Variants in PPTC7 observed in about 807,000 individuals in gnomAD.
PPTC7 encodes the protein protein phosphatase targeting COQ7, also known as protein phosphatase PTC7 homolog.
PPTC7 carries 6 observed loss-of-function variants against 30.8 expected under a neutral mutation model. The ratio of observed to expected loss-of-function variants is 0.19; its 90% CI spans 0.11 to 0.38. PPTC7 has a LOEUF of 0.38. Among genes scored for constraint, PPTC7 ranks in the 10% least tolerant of loss-of-function variants. The pLI, the probability that PPTC7 is intolerant of heterozygous loss-of-function variation, is 1.00. For missense variants in PPTC7, 218 were observed against 404.8 expected, an observed-to-expected ratio of 0.54 and a Z score of 3.96; for synonymous variants, 163 against 168.1, an observed-to-expected ratio of 0.97 and a Z score of 0.23.
intron 1 of PPTC7, among the ~76,000 whole-genome samples, chr12:110,581,555 C>G (rs2064637522): frequency 1.3e-5 from 2 of 152,182 alleles, no homozygotes; most frequent in South Asian, 4.1e-4. Flanking sequence ...TCTAAGTCTC[C>G]CTCTCATGTT....
chr12:110,577,423 C>T (rs374320748), intron 1 of PPTC7, among the ~76,000 whole-genome samples: 3 of 152,112 alleles, frequency 2.0e-5, no homozygotes, highest in African/African-American at 7.2e-5. Context: ...TGGGTGCACA[C>T]ACACACTCTG....
rs561246311 is a variant in PPTC7 at position 110,563,679 on chromosome 12, G to T, written c.224-11711C>A. Reference sequence around the variant, plus strand: ...AAACTCAAACAACAAAATCAAAGCTGTAGTAAGCGGTTCATTTTGTGTTTG... The same window carrying T: ...AAACTCAAACAACAAAATCAAAGCTTTAGTAAGCGGTTCATTTTGTGTTTG... On this transcript the variant is annotated intron_variant, in intron 1 of 5. Transcript: ENST00000354300. 3.8e-4 allele frequency among the ~76,000 whole-genome samples: 58 copies of T among 151,980 alleles called. No individual in the cohort carries two copies. The South Asian group carries it at 0.011, about 30-fold the overall frequency.
In PPTC7 at chr12:110,536,787, G is replaced by T; in HGVS notation, c.*250C>A. 2.1e-6 allele frequency: 1 copy of T among 469,106 alleles called. No individual in the cohort carries two copies. The highest frequency in any genetic ancestry group is 3.8e-6 in the Non-Finnish European group (1 of 266,522). 29.1% of individuals were successfully genotyped at this position (469,106 alleles called of 1,614,324 possible). ...AACACCTCCATCCCCATCATGGAAAGAACATCGAGAAATGAAGGCCAATCT... is the reference window on the plus strand; with the variant it reads ...AACACCTCCATCCCCATCATGGAAATAACATCGAGAAATGAAGGCCAATCT... On this transcript the variant is annotated 3_prime_UTR_variant, in exon 6 of 6. Coordinates refer to ENST00000354300, the MANE Select transcript of PPTC7 (RefSeq NM_139283.2).
At chr12:110,567,703 C>T (rs2064496274) in intron 1 of PPTC7, among the ~76,000 whole-genome samples, 1 of 152,232 alleles carries the variant, frequency 6.6e-6, no homozygotes, top group African/African-American at 2.4e-5. Context: ...ATTACACCCT[C>T]TGTATCGATT....
intron 1 of PPTC7, among the ~76,000 whole-genome samples, chr12:110,559,121 TCAAGG>T (rs2064415489): frequency 6.6e-6 from 1 of 152,138 alleles, no homozygotes; most frequent in Non-Finnish European, 1.5e-5. Flanking sequence ...ACTCCTGGGC[TCAAGG>T]GATCCTCCCA....
At chr12:110,575,307 CTT>C (rs2135795244) in intron 1 of PPTC7, among the ~76,000 whole-genome samples, 1 of 152,194 alleles carries the variant, frequency 6.6e-6, no homozygotes, top group East Asian at 1.9e-4. Flanking sequence ...TGCTAACTTA[CTT>C]TTGCAAAGCA....
chr12:110,559,543 T>C (rs2064419715), intron 1 of PPTC7, among the ~76,000 whole-genome samples: 1 of 151,490 alleles, frequency 6.6e-6, no homozygotes, highest in African/African-American at 2.4e-5. Context: ...CTGTCCAACA[T>C]GGTGAAACCC....
intron 1 of PPTC7, among the ~76,000 whole-genome samples, chr12:110,567,988 C>G (rs1198913174): frequency 1.3e-5 from 2 of 151,708 alleles, no homozygotes; most frequent in African/African-American, 4.8e-5. Context: ...CCTCCCCACC[C>G]ACCCCCCAAA....
At chr12:110,564,353 T>C (rs2064462537) in intron 1 of PPTC7, among the ~76,000 whole-genome samples, 1 of 152,224 alleles carries the variant, frequency 6.6e-6, no homozygotes, top group Non-Finnish European at 1.5e-5. Flanking sequence ...TGTCACATAA[T>C]ACCAAATAAT....
intron 2 of PPTC7, among the ~76,000 whole-genome samples, chr12:110,550,035 G>A (rs2064338136): frequency 6.6e-6 from 1 of 152,106 alleles, no homozygotes; most frequent in Non-Finnish European, 1.5e-5. Context: ...AGGGAATTAA[G>A]ACAAAGCAGT....
chr12:110,555,100 T>C (rs962698833), intron 1 of PPTC7, among the ~76,000 whole-genome samples: 2 of 152,234 alleles, frequency 1.3e-5, no homozygotes, highest in Non-Finnish European at 2.9e-5. Flanking sequence ...TATACATCCC[T>C]GAAAAATTGG....
At chr12:110,574,026 C>T (rs890488936) in intron 1 of PPTC7, among the ~76,000 whole-genome samples, 2 of 150,780 alleles carry the variant, frequency 1.3e-5, no homozygotes, top group Non-Finnish European at 3.0e-5. Flanking sequence ...AGGCTGGGCA[C>T]GTGGTTCATG....
At chr12:110,543,942 C>G (rs2064284784) in intron 3 of PPTC7, among the ~76,000 whole-genome samples, 1 of 152,158 alleles carries the variant, frequency 6.6e-6, no homozygotes, top group Non-Finnish European at 1.5e-5. Context: ...GGAAGCCCAA[C>G]AAGAAGAATC....
rs1437439527 is a variant in PPTC7 at position 110,535,696 on chromosome 12, A to G, written c.*1341T>C. ...CTTTAATTTAAGGATTTCTAAGTATATATTTTTTTCTACCACCAAGTTAAT... is the reference window on the plus strand; with the variant it reads ...CTTTAATTTAAGGATTTCTAAGTATGTATTTTTTTCTACCACCAAGTTAAT... On this transcript the variant is annotated 3_prime_UTR_variant, in exon 6 of 6. Transcript: ENST00000354300. The G allele has an allele frequency of 6.6e-6, 1 of 152,578 alleles. No individual in the cohort carries two copies. The highest frequency in any genetic ancestry group is 1.9e-4 in the East Asian group (1 of 5,202). The allele number at this position is 152,578 out of a possible 1,614,324, so 9.5% of individuals were successfully genotyped here. A position where few individuals can be genotyped will look rare whatever the true frequency, so the allele number is the denominator to read the frequency against.
Position 110,546,050 on chromosome 12 carries a change from C to T in PPTC7, c.432G>A (p.Leu144=), listed in dbSNP as rs1387664452. ...TGTGTAAGCGGTGGCTGGTTCTGTC[C>T]AGCACCACAATGCAGGCGGTGCTGC... ...LGSSTACIVV[L]DRTSHRLHTA... is the part of the protein sequence containing the mutation. Residue 144 remains leucine, a synonymous_variant, in exon 3 of 6, where the codon CTG becomes CTA. Coordinates refer to ENST00000354300, the MANE Select transcript of PPTC7 (RefSeq NM_139283.2). 1 of 1,614,090 alleles carries T rather than the reference C, an allele frequency of 6.2e-7. No individual in the cohort carries two copies. Among genetic ancestry groups the T allele is most frequent in the South Asian group, 1.1e-5 (1 of 91,070 alleles).
intron 1 of PPTC7, among the ~76,000 whole-genome samples, chr12:110,553,989 G>C (rs910624963): frequency 1.3e-5 from 2 of 151,974 alleles, no homozygotes; most frequent in African/African-American, 4.8e-5. Context: ...AGCCTCCCTA[G>C]CTGGGACTAC....
chr12:110,572,920 C>A (rs1353307140), intron 1 of PPTC7, among the ~76,000 whole-genome samples: 5 of 152,066 alleles, frequency 3.3e-5, no homozygotes, highest in Non-Finnish European at 2.9e-5. Context: ...CACTCTGTCA[C>A]CCAGGCTGGA....
Position 110,574,141 on chromosome 12 carries a change from TAA to T in PPTC7, c.223+8666_223+8667del, listed in dbSNP as rs58133391. 5.8e-3 allele frequency among the ~76,000 whole-genome samples: 216 copies of T among 37,444 alleles called. 1 individual carries two copies. Among genetic ancestry groups the T allele is most frequent in the East Asian group, 0.01 (10 of 956 alleles). 24.6% of individuals were successfully genotyped at this position (37,444 alleles called of 152,430 possible). A position where few individuals can be genotyped will look rare whatever the true frequency, so the allele number is the denominator to read the frequency against. ...AGAGAGACTCTGTCTCCACAATAAT[TAA>T]AAAAAAAAAAAAAAAAAAAAAAAAA... is the stretch of plus-strand genomic sequence containing the variant. On this transcript the variant is annotated intron_variant, in intron 1 of 5. Transcript: ENST00000354300.
At chr12:110,570,448 G>A (rs527257722) in intron 1 of PPTC7, among the ~76,000 whole-genome samples, 7 of 26,426 alleles carry the variant, frequency 2.6e-4, no homozygotes, top group Admixed American at 9.7e-4. Flanking sequence ...CCCCCAGCCC[G>A]ACACCCGTAA....
Sources: allele counts gnomAD v4.1 joint callset (sites outside exome capture counted in the v4.1 genomes callset), GRCh38; gene constraint gnomAD v4.1.1; transcripts MANE v1.5; gene names NCBI Gene and HGNC (gene_info 2026-07-23, HGNC 2026-07-21).